The following KCNAB1 variants were observed in gnomAD, a reference collection of about 807,000 sequenced individuals.
KCNAB1 encodes potassium voltage-gated channel subfamily A regulatory beta subunit 1.
Under a neutral mutation model 64.6 loss-of-function variants are expected in KCNAB1, and 35 were observed. That is an observed-to-expected ratio of 0.54 (90% CI 0.41 to 0.72). The LOEUF (loss-of-function observed/expected upper bound fraction) is 0.72, where lower values mean the gene tolerates loss of function less well. Among genes scored for constraint, KCNAB1 ranks in the 30% least tolerant of loss-of-function variants. KCNAB1 has a pLI of 0.00. For missense variants in KCNAB1, 401 were observed against 512.9 expected, an observed-to-expected ratio of 0.78 and a Z score of 2.11; for synonymous variants, 177 against 183.8, an observed-to-expected ratio of 0.96 and a Z score of 0.30.
rs1483977170 is a variant in KCNAB1, at chr3:156,298,258, T to G, written c.276-123358T>G. ...AGTTCTATGGTTCTGGAAGTGTGTG[T>G]GGGGGCTGTGGGGCTGTGTATGTGT... is the stretch of plus-strand genomic sequence containing the variant. On this transcript the variant is annotated intron_variant, in intron 1 of 13. Transcript: ENST00000490337. Among the ~76,000 whole-genome samples, 12 of 152,160 alleles carry G rather than the reference T, an allele frequency of 7.9e-5. No individual in the cohort carries two copies. The East Asian group carries it at 1.6e-3, about 20-fold the overall frequency.
Position 156,240,810 on chromosome 3 carries a change from A to C in KCNAB1, c.275+119924A>C, listed in dbSNP as rs1717119200. Among the ~76,000 whole-genome samples the C allele has an allele frequency of 2.0e-5, 3 of 152,332 alleles. No homozygotes were observed. The South Asian group carries it at 6.2e-4, about 32-fold the overall frequency. On this transcript the variant is annotated intron_variant, in intron 1 of 13. Coordinates refer to ENST00000490337, the MANE Select transcript of KCNAB1 (RefSeq NM_172160.3). Reference sequence around the variant, plus strand: ...GCCCTGAGACAAGGATTCAAGCACAAGCAGTTCATTTGGGAGGCACAGGAA... The same window carrying C: ...GCCCTGAGACAAGGATTCAAGCACACGCAGTTCATTTGGGAGGCACAGGAA...
At chr3:156,174,440 C>T (rs1426977266) in intron 1 of KCNAB1, among the ~76,000 whole-genome samples, 1 of 152,264 alleles carries the variant, frequency 6.6e-6, no homozygotes, top group African/African-American at 2.4e-5. Flanking sequence ...GTGTGAACAT[C>T]CATCAGAAGG....
At position 156,124,941 on chromosome 3, in the gene KCNAB1, C is replaced by G. The variant is rs555082137; in HGVS notation, c.275+4055C>G. 2.0e-3 allele frequency among the ~76,000 whole-genome samples: 298 copies of G among 152,136 alleles called. 3 individuals carry two copies. Among genetic ancestry groups the G allele is most frequent in the South Asian group, 3.7e-3 (18 of 4,800 alleles). ...GATCACAAGGTCAGGAGTTCAAGAC[C>G]AGCCTGGCCAACATGGTGAAACCTT... On this transcript the variant is annotated intron_variant, in intron 1 of 13. Coordinates refer to ENST00000490337, the MANE Select transcript of KCNAB1 (RefSeq NM_172160.3).
At chr3:156,332,603 G>A (rs990536368) in intron 1 of KCNAB1, among the ~76,000 whole-genome samples, 3 of 152,090 alleles carry the variant, frequency 2.0e-5, no homozygotes, top group African/African-American at 4.8e-5. Context: ...ACTGCCAAAC[G>A]GGACCAAGGC....
chr3:156,247,300 T>C (rs977484148), intron 1 of KCNAB1, among the ~76,000 whole-genome samples: 4 of 152,204 alleles, frequency 2.6e-5, no homozygotes, highest in African/African-American at 9.7e-5. Flanking sequence ...TAGCAATTGG[T>C]ACACAGTCAC....
intron 1 of KCNAB1, among the ~76,000 whole-genome samples, chr3:156,268,876 T>C (rs1560166832): frequency 6.6e-6 from 1 of 152,210 alleles, no homozygotes; most frequent in Non-Finnish European, 1.5e-5. Context: ...ATCCCATTTG[T>C]CCATTTTTGC....
rs149659352 is a variant in KCNAB1 at position 156,279,077 on chromosome 3, T to C, written c.276-142539T>C. The stretch of plus-strand genomic sequence containing the variant: ...GTGCGCTTCACCCACTAACTCATCA[T>C]CTAGCATTAGGTATATCTCCCGATG... On this transcript the variant is annotated intron_variant, in intron 1 of 13. Coordinates refer to ENST00000490337, the MANE Select transcript of KCNAB1 (RefSeq NM_172160.3). 8.6e-3 allele frequency among the ~76,000 whole-genome samples: 1,307 copies of C among 152,052 alleles called. 14 individuals carry two copies. The highest frequency in any genetic ancestry group is 0.03 in the African/African-American group (1,250 of 41,432).
intron 1 of KCNAB1, among the ~76,000 whole-genome samples, chr3:156,124,442 C>G (rs1713531346): frequency 6.6e-6 from 1 of 151,944 alleles, no homozygotes; most frequent in Non-Finnish European, 1.5e-5. Flanking sequence ...GTCTTGAACT[C>G]CTGACCTCAA....
intron 8 of KCNAB1, among the ~76,000 whole-genome samples, chr3:156,513,504 G>A (rs1717356171): frequency 1.3e-5 from 2 of 152,182 alleles, no homozygotes; most frequent in African/African-American, 4.8e-5. Flanking sequence ...GTTAAACACT[G>A]ACCTGCTTTG....
intron 1 of KCNAB1, among the ~76,000 whole-genome samples, chr3:156,331,929 C>T (rs1419714051): frequency 6.6e-6 from 1 of 152,162 alleles, no homozygotes; most frequent in East Asian, 1.9e-4. Flanking sequence ...TGTATACCTA[C>T]ACACAAGTCA....
intron 1 of KCNAB1, among the ~76,000 whole-genome samples, chr3:156,387,014 C>CTCTTTTTTTTTTTTTTTTGTTTTT (rs60888308): frequency 1.1e-5 from 1 of 90,526 alleles, no homozygotes; most frequent in African/African-American, 5.4e-5. Context: ...TTCTCTCTCT[C>CTCTTTTTTTTTTTTTTTTGTTTTT]TTTTTTTTTT....
intron 1 of KCNAB1, among the ~76,000 whole-genome samples, chr3:156,388,114 C>T (rs1712748406): frequency 2.0e-5 from 3 of 152,122 alleles, no homozygotes; most frequent in Non-Finnish European, 4.4e-5. Flanking sequence ...TTCATGAAGA[C>T]CAAGGGAGGC....
chr3:156,398,088 C>T (rs1482182940), intron 1 of KCNAB1, among the ~76,000 whole-genome samples: 1 of 152,120 alleles, frequency 6.6e-6, no homozygotes, highest in Non-Finnish European at 1.5e-5. Flanking sequence ...TTTGCAGGGA[C>T]ATGGGTGAGG....
intron 2 of KCNAB1, among the ~76,000 whole-genome samples, chr3:156,429,140 G>A (rs113752712): frequency 0.015 from 2,320 of 152,306 alleles, 27 homozygotes; most frequent in South Asian, 0.034. Context: ...AGCTCCACAT[G>A]CATGTGTTTT....
chr3:156,153,552 A>T (rs970594678), intron 1 of KCNAB1, among the ~76,000 whole-genome samples: 1 of 152,242 alleles, frequency 6.6e-6, no homozygotes, highest in East Asian at 1.9e-4. Flanking sequence ...TTTGCATGAA[A>T]TTAACATTGG....
chr3:156,343,821 A>G (rs1307041681), intron 1 of KCNAB1, among the ~76,000 whole-genome samples: 1 of 152,210 alleles, frequency 6.6e-6, no homozygotes, highest in Non-Finnish European at 1.5e-5. Context: ...AAGAAATACC[A>G]AGAAGTTAAA....
intron 1 of KCNAB1, among the ~76,000 whole-genome samples, chr3:156,345,541 C>T (rs1049695849): frequency 2.6e-5 from 4 of 152,190 alleles, no homozygotes; most frequent in African/African-American, 9.6e-5. Flanking sequence ...GTTTGTATGA[C>T]TACATTTGGC....
chr3:156,315,863 A>G (rs901095057), intron 1 of KCNAB1, among the ~76,000 whole-genome samples: 1 of 152,218 alleles, frequency 6.6e-6, no homozygotes, highest in Admixed American at 6.5e-5. Context: ...TGTTTAGAAC[A>G]TATAAAATTT....
Position 156,265,047 on chromosome 3 carries a change from ATCT to A in KCNAB1, c.275+144165_275+144167del, listed in dbSNP as rs1048034322. Among the ~76,000 whole-genome samples, 4 of 152,238 alleles carry A rather than the reference ATCT, an allele frequency of 2.6e-5. 1 individual carries two copies. The highest frequency in any genetic ancestry group is 6.5e-5 in the Admixed American group (1 of 15,282). Reference sequence around the variant, plus strand: ...CCTTACCATGAGTCACATGCCTGTAATCTTCTATATTCAGAATTGAATCTGAGA... The same window carrying A: ...CCTTACCATGAGTCACATGCCTGTAATCTATATTCAGAATTGAATCTGAGA... On this transcript the variant is annotated intron_variant, in intron 1 of 13. Coordinates refer to ENST00000490337, the MANE Select transcript of KCNAB1 (RefSeq NM_172160.3).
Sources: gnomAD v4.1 joint callset for allele counts (sites outside exome capture counted in the v4.1 genomes callset) on GRCh38, gnomAD v4.1.1 for gene constraint, MANE v1.5 for transcripts, NCBI Gene and HGNC (gene_info 2026-07-23, HGNC 2026-07-21) for gene names.